The following CTNNA3 variants were observed in gnomAD, a reference collection of about 807,000 sequenced individuals.
CTNNA3 encodes catenin alpha-3.
A neutral mutation model predicts 95.7 loss-of-function variants in CTNNA3; 76 were observed. That is an observed-to-expected ratio of 0.79 (90% CI 0.66 to 0.96). CTNNA3 has a LOEUF of 0.96. Ranked by LOEUF, CTNNA3 falls within the 40% of genes least tolerant of loss-of-function variation. The pLI is 0.00. For synonymous variants in CTNNA3, 431 were observed against 374.4 expected (o/e 1.15, Z -1.74); for missense variants, 1,191 against 1,089.8 (o/e 1.09, Z -1.31).
intron 1 of CTNNA3, among the ~76,000 whole-genome samples, chr10:67,702,960 C>T (rs1255015571): frequency 6.6e-6 from 1 of 152,186 alleles, no homozygotes; most frequent in Non-Finnish European, 1.5e-5. Context: ...ACCGACCCCA[C>T]AGAAATACAA....
intron 7 of CTNNA3, among the ~76,000 whole-genome samples, chr10:67,051,318 CT>C (rs1252895939): frequency 5.9e-5 from 9 of 152,114 alleles, no homozygotes; most frequent in Non-Finnish European, 1.3e-4. Flanking sequence ...CACAATTGTA[CT>C]CTATGTCTTA....
At chr10:66,991,113 T>C (rs1851013486) in intron 7 of CTNNA3, among the ~76,000 whole-genome samples, 1 of 152,214 alleles carries the variant, frequency 6.6e-6, no homozygotes. Flanking sequence ...ACAGATGTTC[T>C]AAAAGCACAC....
At chr10:67,271,852 G>A (rs185734047) in intron 5 of CTNNA3, among the ~76,000 whole-genome samples, 16 of 152,214 alleles carry the variant, frequency 1.1e-4, no homozygotes, top group African/African-American at 3.6e-4. Context: ...ATAACTGGAG[G>A]ACTTATCTAC....
intron 7 of CTNNA3, among the ~76,000 whole-genome samples, chr10:66,827,062 G>A (rs1403383027): frequency 1.3e-5 from 2 of 152,090 alleles, no homozygotes; most frequent in Non-Finnish European, 2.9e-5. Context: ...CTTGGCTATG[G>A]AGAACTGGTG....
chr10:67,082,379 C>T (rs1411984530), intron 7 of CTNNA3, among the ~76,000 whole-genome samples: 1 of 152,078 alleles, frequency 6.6e-6, no homozygotes, highest in East Asian at 1.9e-4. Flanking sequence ...TTCGCTAGCA[C>T]TGAGCAGAAG....
At chr10:67,417,589 G>T (rs1845589321) in intron 5 of CTNNA3, among the ~76,000 whole-genome samples, 1 of 151,946 alleles carries the variant, frequency 6.6e-6, no homozygotes, top group South Asian at 2.1e-4. Flanking sequence ...CAAAAGAAAG[G>T]AAATAACTCT....
intron 14 of CTNNA3, among the ~76,000 whole-genome samples, chr10:66,096,257 G>T (rs529764785): frequency 6.6e-6 from 1 of 152,172 alleles, no homozygotes; most frequent in East Asian, 1.9e-4. Flanking sequence ...AGTTGTGTGA[G>T]ACAGAACAAA....
intron 4 of CTNNA3, among the ~76,000 whole-genome samples, chr10:67,525,541 T>C (rs1840115559): frequency 6.6e-6 from 1 of 152,160 alleles, no homozygotes; most frequent in Admixed American, 6.5e-5. Context: ...TGACAATACA[T>C]ATATAAATAA....
At chr10:67,327,175 T>C (rs1220503434) in intron 5 of CTNNA3, among the ~76,000 whole-genome samples, 1 of 152,238 alleles carries the variant, frequency 6.6e-6, no homozygotes, top group Non-Finnish European at 1.5e-5. Flanking sequence ...AAAATACTTC[T>C]GTAGCTCAAT....
In CTNNA3 at chr10:65,933,079, G is replaced by C. The variant is rs546967709; in HGVS notation, c.2401-12462C>G. Reference sequence around the variant, plus strand: ...GCGCTTTCCACTTTAGATTCCCTGGGTTTTGTCTTCTCTTTTAAATCTAAC... The same window carrying C: ...GCGCTTTCCACTTTAGATTCCCTGGCTTTTGTCTTCTCTTTTAAATCTAAC... On this transcript the variant is annotated intron_variant, in intron 17 of 17. Transcript: ENST00000433211. Among the ~76,000 whole-genome samples, 8 of 152,066 alleles carry C rather than the reference G, an allele frequency of 5.3e-5. No individual in the cohort carries two copies. In the East Asian group the frequency reaches 1.5e-3, roughly 29 times the overall value.
chr10:66,028,153 G>A (rs576723897), intron 15 of CTNNA3, among the ~76,000 whole-genome samples: 1 of 152,174 alleles, frequency 6.6e-6, no homozygotes, highest in Admixed American at 6.5e-5. Context: ...AAAATGGACT[G>A]TAAACTAGTG....
At chr10:66,358,278 G>A (rs2092626696) in intron 12 of CTNNA3, among the ~76,000 whole-genome samples, 1 of 152,086 alleles carries the variant, frequency 6.6e-6, no homozygotes, top group Non-Finnish European at 1.5e-5. Context: ...GTTTTGCTTG[G>A]AGGTTTTTTG....
At position 66,788,461 on chromosome 10, in the gene CTNNA3, G is replaced by A. The variant is rs371132112; in HGVS notation, c.1048-12937C>T. Among the ~76,000 whole-genome samples, 29 of 152,258 alleles carry A rather than the reference G, an allele frequency of 1.9e-4. 1 individual carries two copies. In the East Asian group the frequency reaches 5.4e-3, roughly 28 times the overall value. On this transcript the variant is annotated intron_variant, in intron 7 of 17. Transcript: ENST00000433211. ...ACCATAAATTCTGGACTCAGAATTA[G>A]GAATGGCCTGTAAACATCAAATAAT... is the stretch of plus-strand genomic sequence containing the variant.
At chr10:66,450,660 T>A (rs2131822498) in intron 11 of CTNNA3, among the ~76,000 whole-genome samples, 1 of 152,220 alleles carries the variant, frequency 6.6e-6, no homozygotes, top group Non-Finnish European at 1.5e-5. Context: ...ATATAACATC[T>A]CAAGGAAGAA....
chr10:67,091,136 G>A (rs1415372533), intron 7 of CTNNA3, among the ~76,000 whole-genome samples: 5 of 152,028 alleles, frequency 3.3e-5, no homozygotes, highest in South Asian at 2.1e-4. Flanking sequence ...CAAAATAAAC[G>A]TTGCTAGCCA....
intron 11 of CTNNA3, among the ~76,000 whole-genome samples, chr10:66,408,017 CCT>C (rs1220199217): frequency 6.6e-6 from 1 of 152,150 alleles, no homozygotes; most frequent in Non-Finnish European, 1.5e-5. Context: ...TGCTGAAGTT[CCT>C]GGTGTAAAAT....
At chr10:67,748,894 A>G (rs1213978630) in intron 1 of CTNNA3, among the ~76,000 whole-genome samples, 5 of 152,208 alleles carry the variant, frequency 3.3e-5, no homozygotes, top group Non-Finnish European at 7.3e-5. Context: ...GTCTTTGCAC[A>G]TGACATGTCT....
chr10:66,792,192 A>G (rs1840998604), intron 7 of CTNNA3, among the ~76,000 whole-genome samples: 1 of 152,186 alleles, frequency 6.6e-6, no homozygotes, highest in Admixed American at 6.5e-5. Flanking sequence ...AAAATGGGTA[A>G]TCTACATTTG....
chr10:67,449,442 G>A (rs2132956422), intron 5 of CTNNA3, among the ~76,000 whole-genome samples: 1 of 152,168 alleles, frequency 6.6e-6, no homozygotes, highest in East Asian at 1.9e-4. Flanking sequence ...ATACTACAGG[G>A]CTATAGTAAC....
Sources: gnomAD v4.1 joint callset for allele counts (sites outside exome capture counted in the v4.1 genomes callset) on GRCh38, gnomAD v4.1.1 for gene constraint, MANE v1.5 for transcripts, NCBI Gene and HGNC (gene_info 2026-07-23, HGNC 2026-07-21) for gene names.